Variants in STMN1 observed in about 807,000 individuals in gnomAD.
The protein encoded by STMN1 is stathmin.
A neutral mutation model predicts 19.7 loss-of-function variants in STMN1; 3 were observed. That is an observed-to-expected ratio of 0.15 (90% CI 0.07 to 0.39). The LOEUF is 0.39. STMN1 is among the 10% of genes least tolerant of loss of function. STMN1 has a pLI of 1.00. For missense variants in STMN1, 99 were observed against 176.0 expected (o/e 0.56, Z 2.48); for synonymous variants, 59 against 58.9 (o/e 1.00, Z -0.01).
chr1:25,887,964 C>T lies in STMN1; in HGVS notation c.379-2095G>A, dbSNP rs190715804. ...CCTCCCAAAGTGCTGGGATTACAGGCGTGAGCCACCGTGCCCGGCCCTTGT... is the reference window on the plus strand; with the variant it reads ...CCTCCCAAAGTGCTGGGATTACAGGTGTGAGCCACCGTGCCCGGCCCTTGT... On this transcript the variant is annotated intron_variant, in intron 4 of 4. Transcript: ENST00000426559. Among the ~76,000 whole-genome samples, 330 of 152,270 alleles carry T rather than the reference C, an allele frequency of 2.2e-3. 1 individual carries two copies. Among genetic ancestry groups the T allele is most frequent in the South Asian group, 1.9e-3 (9 of 4,824 alleles).
At chr1:25,888,375 T>C (rs913160979) in intron 4 of STMN1, among the ~76,000 whole-genome samples, 2 of 152,216 alleles carry the variant, frequency 1.3e-5, no homozygotes, top group African/African-American at 4.8e-5. Flanking sequence ...GCTTCTTGAT[T>C]ACAGCAGAAT....
At chr1:25,903,527 A>T in intron 3 of STMN1, 114 bp downstream of exon 3, 2 of 1,368,902 alleles carry the variant, frequency 1.5e-6, no homozygotes, top group Non-Finnish European at 2.0e-6. Flanking sequence ...AGTCACTGGC[A>T]TATGTAATAA....
chr1:25,887,359 G>A (rs1010049129), intron 4 of STMN1: 198 of 253,952 alleles, frequency 7.8e-4, no homozygotes, highest in Middle Eastern at 3.7e-3. Context: ...CCATAGTTAC[G>A]GTAAGTCTAC....
chr1:25,898,782 C>T (rs1244610126), downstream of STMN1, among the ~76,000 whole-genome samples: 4 of 152,232 alleles, frequency 2.6e-5, no homozygotes, highest in African/African-American at 9.6e-5. Context: ...AGGCTGGCCC[C>T]ACTGGGACAG....
chr1:25,888,504 A>T (rs1339300981), intron 4 of STMN1, among the ~76,000 whole-genome samples: 1 of 151,824 alleles, frequency 6.6e-6, no homozygotes, highest in African/African-American at 2.4e-5. Context: ...AAACGACTGA[A>T]CTCTGGGTTG....
intron 1 of STMN1, chr1:25,904,965 G>A (rs1462010845): frequency 2.8e-6 from 1 of 358,004 alleles, no homozygotes; most frequent in Non-Finnish European, 5.0e-6. Flanking sequence ...GAGCTTTCTC[G>A]GTCATAAAAC....
downstream of STMN1, among the ~76,000 whole-genome samples, chr1:25,898,861 G>T (rs1006507673): frequency 6.6e-6 from 1 of 152,178 alleles, no homozygotes; most frequent in Admixed American, 6.5e-5. Flanking sequence ...TTCCCCAGAA[G>T]CTCGTAGGTG....
intron 4 of STMN1, chr1:25,892,555 GGCTGAGCCGCTGAGCC>G (rs142059174): frequency 1.0e-6 from 1 of 984,876 alleles, no homozygotes; most frequent in African/African-American, 1.8e-5. Context: ...ATGCCACCAC[GGCTGAGCCGCTGAGCC>G]GCTGAGGGTC....
At chr1:25,888,157 C>A (rs1055469630) in intron 4 of STMN1, among the ~76,000 whole-genome samples, 3 of 152,148 alleles carry the variant, frequency 2.0e-5, no homozygotes, top group African/African-American at 7.2e-5. Flanking sequence ...AATCAGAACA[C>A]CTCCGTCAGA....
At chr1:25,896,804 G>A (rs995806670), downstream of STMN1, among the ~76,000 whole-genome samples, 5 of 152,302 alleles carry the variant, frequency 3.3e-5, no homozygotes, top group South Asian at 8.3e-4. Context: ...TTGGACCTTC[G>A]TTTCACCTGG....
At chr1:25,891,702 G>A (rs898057814) in intron 4 of STMN1, among the ~76,000 whole-genome samples, 1 of 152,202 alleles carries the variant, frequency 6.6e-6, no homozygotes, top group African/African-American at 2.4e-5. Flanking sequence ...GCGGCCAGTG[G>A]GGACAGGGCT....
intron 1 of STMN1, chr1:25,905,796 C>T (rs933825626): frequency 6.6e-6 from 1 of 152,218 alleles, no homozygotes; most frequent in Non-Finnish European, 1.5e-5. Context: ...GGGAACAGGC[C>T]CCCGGGTGGT....
chr1:25,886,078 AT>A (rs2048718715), intron 4 of STMN1, among the ~76,000 whole-genome samples: 1 of 152,138 alleles, frequency 6.6e-6, no homozygotes. Context: ...AGGCATCTGG[AT>A]TTTTAACGAG....
intron 1 of STMN1, among the ~76,000 whole-genome samples, 152 bp from the exon 2 acceptor site, chr1:25,904,890 C>T (rs939489615): frequency 6.6e-6 from 1 of 152,106 alleles, no homozygotes; most frequent in African/African-American, 2.4e-5. Flanking sequence ...TTATCAAAAT[C>T]TACTAAATAA....
At chr1:25,889,111 GA>G (rs1429648159) in intron 4 of STMN1, 5 of 468,272 alleles carry the variant, frequency 1.1e-5, no homozygotes, top group Non-Finnish European at 2.1e-5. Context: ...GGTCTATAAG[GA>G]ATTCCACATG....
intron 4 of STMN1, among the ~76,000 whole-genome samples, chr1:25,889,666 C>T (rs1473101209): frequency 6.6e-6 from 1 of 152,226 alleles, no homozygotes; most frequent in Non-Finnish European, 1.5e-5. Context: ...CCTTACCGTC[C>T]ATTCTCCTCC....
chr1:25,906,127 G>T lies in STMN1; in HGVS notation c.-63+262C>A, dbSNP rs959207582. On this transcript the variant is annotated intron_variant, in intron 1 of 4. Transcript: ENST00000455785. This position sits in a 1 kb window ranked among gnomAD's most constrained non-coding sequence, Gnocchi z 4.5. ...CCACGCCCCCTATTGTCTCCTCGAC[G>T]GCACCCCGGAGCGGACGCCCGGTGA... 2 of 151,968 alleles carry T rather than the reference G, an allele frequency of 1.3e-5. No homozygotes were observed. The highest frequency in any genetic ancestry group is 2.4e-5 in the African/African-American group (1 of 41,342). 9.4% of individuals were successfully genotyped at this position (151,968 alleles called of 1,614,324 possible). A position where few individuals can be genotyped will look rare whatever the true frequency, so the allele number is the denominator to read the frequency against.
intron 4 of STMN1, among the ~76,000 whole-genome samples, chr1:25,892,789 T>C (rs2048787960): frequency 6.6e-6 from 1 of 152,180 alleles, no homozygotes. Context: ...TGCCCAGTTT[T>C]CTAGCCCGGG....
chr1:25,886,732 A>G (rs914796003), intron 4 of STMN1, among the ~76,000 whole-genome samples: 4 of 151,724 alleles, frequency 2.6e-5, no homozygotes, highest in Non-Finnish European at 4.4e-5. Flanking sequence ...GGGACTACAG[A>G]TGCCTGCCAC....
Sources: allele counts gnomAD v4.1 joint callset (sites outside exome capture counted in the v4.1 genomes callset), GRCh38; gene constraint gnomAD v4.1.1; non-coding constraint Gnocchi (gnomAD v3.1); transcripts MANE v1.5; gene names NCBI Gene and HGNC (gene_info 2026-07-23, HGNC 2026-07-21).